PLPP1: variants seen among roughly 807,000 people sequenced by gnomAD.
PLPP1 encodes lipid phosphate phosphohydrolase 1a.
PLPP1 carries 24 observed loss-of-function variants against 31.2 expected under a neutral mutation model. The observed-to-expected ratio is 0.77, with a 90% CI of 0.56 to 1.08. The LOEUF (loss-of-function observed/expected upper bound fraction) is 1.08, where lower values mean the gene tolerates loss of function less well. Among genes scored for constraint, PLPP1 ranks in the 50% least tolerant of loss-of-function variants. PLPP1 has a pLI of 0.00. For synonymous variants in PLPP1, 146 were observed against 126.3 expected (o/e 1.16, Z -1.05); for missense variants, 319 against 342.7 (o/e 0.93, Z 0.55).
rs147797064 is a variant in PLPP1, at chr5:55,430,631, A to C, written c.550-4592T>G. Among the ~76,000 whole-genome samples the C allele has an allele frequency of 5.9e-5, 9 of 152,376 alleles. No homozygotes were observed. The East Asian group carries it at 1.5e-3, about 26-fold the overall frequency. On this transcript the variant is annotated intron_variant, in intron 4 of 5. Transcript: ENST00000307259. ...CAAATTCAAAAAATTGGAAGAAGTG[A>C]CTGTTAAACCAGATGTACAGATACC...
chr5:55,491,205 C>G, intron 1 of PLPP1: 1 of 1,378,486 alleles, frequency 7.3e-7, no homozygotes, highest in South Asian at 1.4e-5. Context: ...CAAATCCTAG[C>G]CATATTTTGC....
chr5:55,458,887 CAA>C (rs529067608), intron 3 of PLPP1, among the ~76,000 whole-genome samples: 8 of 21,102 alleles, frequency 3.8e-4, no homozygotes, highest in African/African-American at 7.6e-4. Context: ...ACCCTGTCTC[CAA>C]AAAAAAAAAA....
Position 55,425,981 on chromosome 5 carries a change from T to C in PLPP1, c.608A>G (p.Gln203Arg). ...AATGGATACGGCAACAAGACCAAAT[T>C]GCAGTGTGGGGCGTAAGAGTCTTGC... ...DWARLLRPTLQFGLVAVSIYV... is the reference protein window; with the variant it reads ...DWARLLRPTLRFGLVAVSIYV... Residue 203 changes from glutamine to arginine, a missense_variant, in exon 5 of 6, where the codon CAA becomes CGA. Physicochemically the swap from Gln to Arg is conservative, Grantham distance 43 (BLOSUM62 1). Transcript: ENST00000307259. The C allele has an allele frequency of 1.9e-6, 3 of 1,613,852 alleles. No individual in the cohort carries two copies. The African/African-American group carries it at 4.0e-5, about 22-fold the overall frequency.
At chr5:55,458,214 T>TG (rs758639595) in intron 3 of PLPP1, among the ~76,000 whole-genome samples, 11 of 152,204 alleles carry the variant, frequency 7.2e-5, no homozygotes, top group Non-Finnish European at 1.3e-4. Flanking sequence ...TCCATGCCTA[T>TG]GTTACAAGAA....
intron 1 of PLPP1, among the ~76,000 whole-genome samples, chr5:55,521,083 T>C (rs12651831): frequency 6.6e-6 from 1 of 152,036 alleles, no homozygotes; most frequent in East Asian, 1.9e-4. Flanking sequence ...CTGGGGGCGG[T>C]GGCTCATGCC....
At chr5:55,429,186 A>G (rs550518773) in intron 4 of PLPP1, among the ~76,000 whole-genome samples, 1 of 151,694 alleles carries the variant, frequency 6.6e-6, no homozygotes, top group South Asian at 2.1e-4. Flanking sequence ...AACTAAAGTT[A>G]GGAGGAAGCA....
chr5:55,446,549 G>C (rs1463001499), intron 3 of PLPP1, among the ~76,000 whole-genome samples: 1 of 152,154 alleles, frequency 6.6e-6, no homozygotes, highest in Non-Finnish European at 1.5e-5. Flanking sequence ...GACTGTCTCA[G>C]GGTAGCTTGT....
chr5:55,530,592 TG>T, intron 1 of PLPP1: 2 of 1,353,484 alleles, frequency 1.5e-6, no homozygotes, highest in South Asian at 2.3e-5. Flanking sequence ...AGATTTGCAA[TG>T]AAGTCTCATG....
At chr5:55,485,816 G>A (rs1218747146) in intron 1 of PLPP1, among the ~76,000 whole-genome samples, 3 of 151,962 alleles carry the variant, frequency 2.0e-5, no homozygotes, top group Non-Finnish European at 4.4e-5. Context: ...CAAAACTTAT[G>A]AAATATCATA....
intron 1 of PLPP1, among the ~76,000 whole-genome samples, chr5:55,496,941 A>G (rs1753014631): frequency 6.6e-6 from 1 of 152,240 alleles, no homozygotes; most frequent in Non-Finnish European, 1.5e-5. Flanking sequence ...AGACTAAAGT[A>G]AATCAATGTT....
intron 2 of PLPP1, among the ~76,000 whole-genome samples, chr5:55,470,124 T>C (rs531556229): frequency 6.6e-6 from 1 of 152,324 alleles, no homozygotes; most frequent in South Asian, 2.1e-4. Context: ...ACAGTTTTGC[T>C]TAGGGTTATC....
intron 3 of PLPP1, among the ~76,000 whole-genome samples, chr5:55,461,002 G>C (rs575972842): frequency 1.5e-4 from 23 of 152,238 alleles, no homozygotes; most frequent in Admixed American, 6.5e-4. Flanking sequence ...CTGTGCAACA[G>C]GTGAAACCCT....
intron 1 of PLPP1, among the ~76,000 whole-genome samples, chr5:55,500,687 T>G (rs1452593642): frequency 1.3e-5 from 2 of 151,874 alleles, no homozygotes; most frequent in Non-Finnish European, 2.9e-5. Flanking sequence ...GAGGGGGCTG[T>G]GAAAAGAGCT....
At chr5:55,471,107 CA>C (rs1392165813) in intron 2 of PLPP1, among the ~76,000 whole-genome samples, 5 of 152,198 alleles carry the variant, frequency 3.3e-5, no homozygotes, top group African/African-American at 1.2e-4. Flanking sequence ...CACATCTCCG[CA>C]TCTTCTTCTC....
chr5:55,517,311 A>AG (rs1351224158), intron 1 of PLPP1, among the ~76,000 whole-genome samples: 1 of 152,028 alleles, frequency 6.6e-6, no homozygotes, highest in East Asian at 1.9e-4. Flanking sequence ...TCAACCCCCA[A>AG]GTTAGCTGGG....
rs1339695329 is a variant in PLPP1, at chr5:55,425,055, A to G, written c.*151T>C. ...GATAACCACTGAGTTAAAGGTAACT[A>G]TGTACACACAAAGTGTGCATCCAAG... On this transcript the variant is annotated 3_prime_UTR_variant, in exon 6 of 6. Transcript: ENST00000307259. The G allele has an allele frequency of 1.4e-5, 15 of 1,052,192 alleles. No individual in the cohort carries two copies. Among genetic ancestry groups the G allele is most frequent in the Middle Eastern group, 5.7e-4 (2 of 3,518 alleles). 65.2% of individuals were successfully genotyped at this position (1,052,192 alleles called of 1,614,324 possible).
intron 1 of PLPP1, among the ~76,000 whole-genome samples, chr5:55,480,194 A>G (rs184649887): frequency 2.3e-4 from 35 of 152,098 alleles, no homozygotes; most frequent in African/African-American, 8.2e-4. Context: ...ATATCTCTAA[A>G]TCTCTTTCAT....
rs1752717074 is a variant in PLPP1 at position 55,483,685 on chromosome 5, A to AC, written c.59-8236_59-8235insG. On this transcript the variant is annotated intron_variant, in intron 1 of 5. Transcript: ENST00000307259. ...AGACTGTCTCAAAAAAAAAAAAAAA[A>AC]AACTACATTATTAGAAATTTTGGGT... is the stretch of plus-strand genomic sequence containing the variant. 4.6e-5 allele frequency among the ~76,000 whole-genome samples: 7 copies of AC among 151,284 alleles called. No individual in the cohort carries two copies. The South Asian group carries it at 1.3e-3, about 27-fold the overall frequency.
intron 4 of PLPP1, among the ~76,000 whole-genome samples, chr5:55,436,971 AGATC>A (rs1192288474): frequency 1.3e-5 from 2 of 152,186 alleles, no homozygotes; most frequent in Non-Finnish European, 2.9e-5. Context: ...ACCTAATAAG[AGATC>A]CAGGGGAGCT....
Sources: allele counts gnomAD v4.1 joint callset (sites outside exome capture counted in the v4.1 genomes callset), GRCh38; gene constraint gnomAD v4.1.1; transcripts MANE v1.5; gene names NCBI Gene and HGNC (gene_info 2026-07-23, HGNC 2026-07-21).